Variants in KLHL28 observed in about 807,000 individuals in gnomAD.
The protein encoded by KLHL28 is kelch-like protein 28.
A neutral mutation model predicts 48.3 loss-of-function variants in KLHL28; 22 were observed. The observed-to-expected ratio is 0.46, with a 90% CI of 0.33 to 0.65. The LOEUF (loss-of-function observed/expected upper bound fraction) is 0.65. Ranked by LOEUF, KLHL28 falls within the 30% of genes least tolerant of loss-of-function variation. KLHL28 has a pLI of 0.03. For missense variants in KLHL28, 527 were observed against 704.3 expected, an observed-to-expected ratio of 0.75 and a Z score of 2.85; for synonymous variants, 243 against 242.4, an observed-to-expected ratio of 1.00 and a Z score of -0.02.
rs1050587133 is a variant in KLHL28 at position 44,928,864 on chromosome 14, A to C, written c.*164T>G. 1 of 553,574 alleles carries C rather than the reference A, an allele frequency of 1.8e-6. No homozygotes were observed. The highest frequency in any genetic ancestry group is 3.1e-5 in the Admixed American group (1 of 32,152). 34.3% of individuals were successfully genotyped at this position (553,574 alleles called of 1,614,324 possible). On this transcript the variant is annotated 3_prime_UTR_variant, in exon 5 of 5. Coordinates refer to ENST00000396128, the MANE Select transcript of KLHL28 (RefSeq NM_017658.5). ...TTTACTGTGTAATCAAGAGCAACCA[A>C]AACTACTTCTCAATTAAAAGTACCC... is the stretch of plus-strand genomic sequence containing the variant.
chr14:44,954,843 G>A (rs1413966886), intron 1 of KLHL28, among the ~76,000 whole-genome samples: 1 of 152,120 alleles, frequency 6.6e-6, no homozygotes, highest in Non-Finnish European at 1.5e-5. Flanking sequence ...TAAGAAATTT[G>A]AAAATTGAAA....
intron 1 of KLHL28, among the ~76,000 whole-genome samples, chr14:44,949,989 T>G (rs1334309933): frequency 6.6e-6 from 1 of 152,032 alleles, no homozygotes; most frequent in Non-Finnish European, 1.5e-5. Context: ...CTGTAACACC[T>G]GATGAACAGC....
At position 44,927,110 on chromosome 14, in the gene KLHL28, G is replaced by A. The variant is rs1208071662; in HGVS notation, c.*1918C>T. The A allele has an allele frequency of 6.6e-6, 1 of 152,540 alleles. No homozygotes were observed. Among genetic ancestry groups the A allele is most frequent in the African/African-American group, 2.4e-5 (1 of 41,432 alleles). The allele number at this position is 152,540 out of a possible 1,614,324, so 9.4% of individuals were successfully genotyped here. ...ATAGAAAATACTCAGACTATCAATT[G>A]TTATTAGTTGCTCCTGTTGAGTTCT... On this transcript the variant is annotated 3_prime_UTR_variant, in exon 5 of 5. Coordinates refer to ENST00000396128, the MANE Select transcript of KLHL28 (RefSeq NM_017658.5).
At chr14:44,956,858 C>T (rs1370719353) in intron 1 of KLHL28, among the ~76,000 whole-genome samples, 1 of 152,154 alleles carries the variant, frequency 6.6e-6, no homozygotes, top group Non-Finnish European at 1.5e-5. Context: ...CAGATATATG[C>T]TGAAATTGGT....
At position 44,929,140 on chromosome 14, in the gene KLHL28, G is replaced by C; in HGVS notation, c.1604C>G (p.Ser535Ter). The change falls in exon 5 of 5, where the codon TCA becomes TGA. Residue 535 changes from serine to a stop codon, truncating the protein, a stop_gained. Transcript: ENST00000396128. LOFTEE classifies it high-confidence loss of function. ...DNYLYVVGGH[S>*]GSSYLNTVQK... ...CACTGTATTCAGATAGGAAGACCCT[G>C]AGTGACCACCGACGACATAAAGGTA... 1 of 1,613,306 alleles carries C rather than the reference G, an allele frequency of 6.2e-7. No homozygotes were observed. The highest frequency in any genetic ancestry group is 8.5e-7 in the Non-Finnish European group (1 of 1,179,608).
intron 1 of KLHL28, among the ~76,000 whole-genome samples, chr14:44,956,548 TAAAC>T (rs1249513714): frequency 1.3e-5 from 2 of 152,172 alleles, no homozygotes; most frequent in Non-Finnish European, 2.9e-5. Context: ...AAAATCATGT[TAAAC>T]AATACCAGAA....
chr14:44,949,843 T>C (rs1303077119), intron 1 of KLHL28, among the ~76,000 whole-genome samples: 3 of 152,156 alleles, frequency 2.0e-5, no homozygotes, highest in Non-Finnish European at 2.9e-5. Context: ...CATAAACTTA[T>C]GTGGGTTTAA....
rs1179943912 is a variant in KLHL28 at position 44,934,503 on chromosome 14, T to C, written c.955A>G (p.Ile319Val). 3.1e-6 allele frequency: 5 copies of C among 1,612,898 alleles called. No homozygotes were observed. The highest frequency in any genetic ancestry group is 4.2e-6 in the Non-Finnish European group (5 of 1,179,386). The change falls in exon 3 of 5, where the codon ATT (isoleucine) becomes GTT (valine). Residue 319 changes from isoleucine (I) to valine (V), a missense_variant. Transcript: ENST00000396128. The part of the protein sequence containing the change: ...DSWIGLAPLN[I>V]PRYEFGICVL... ...CATATTCCAAATTCATAGCGAGGAATGTTTAGGGGTGCCAAACCAATCCAA... is the reference window on the plus strand; with the variant it reads ...CATATTCCAAATTCATAGCGAGGAACGTTTAGGGGTGCCAAACCAATCCAA...
At chr14:44,938,428 G>A (rs913183223) in intron 2 of KLHL28, among the ~76,000 whole-genome samples, 1 of 151,852 alleles carries the variant, frequency 6.6e-6, no homozygotes, top group African/African-American at 2.4e-5. Context: ...CTGGAGTGCA[G>A]TGGTGCAATC....
At chr14:44,941,360 G>A (rs1271827743) in intron 2 of KLHL28, among the ~76,000 whole-genome samples, 2 of 152,012 alleles carry the variant, frequency 1.3e-5, no homozygotes, top group African/African-American at 2.4e-5. Flanking sequence ...GGCCAGGCAC[G>A]GTGGCTCACG....
At chr14:44,958,219 TC>T (rs1566580648) in intron 1 of KLHL28, among the ~76,000 whole-genome samples, 1 of 151,914 alleles carries the variant, frequency 6.6e-6, no homozygotes, top group Non-Finnish European at 1.5e-5. Flanking sequence ...AACTTTAGGC[TC>T]TGAAACCAAG....
chr14:44,936,690 G>A (rs547603708), intron 2 of KLHL28, among the ~76,000 whole-genome samples: 1 of 152,306 alleles, frequency 6.6e-6, no homozygotes, highest in Admixed American at 6.5e-5. Context: ...GTTACATTCT[G>A]CTGCTCAGAT....
intron 4 of KLHL28, among the ~76,000 whole-genome samples, chr14:44,929,727 T>C (rs144808434): frequency 3.9e-4 from 59 of 152,310 alleles, no homozygotes; most frequent in African/African-American, 1.4e-3. Context: ...GGTGAGAGGA[T>C]GGCTGGAGGC....
intron 1 of KLHL28, among the ~76,000 whole-genome samples, chr14:44,947,297 A>T (rs974872119): frequency 7.9e-5 from 12 of 152,306 alleles, no homozygotes; most frequent in Middle Eastern, 3.4e-3. Context: ...CCAAGAACAG[A>T]TTCTCCCGTA....
At chr14:44,943,136 T>C (rs1019225408) in intron 2 of KLHL28, among the ~76,000 whole-genome samples, 1 of 152,204 alleles carries the variant, frequency 6.6e-6, no homozygotes, top group Admixed American at 6.5e-5. Flanking sequence ...TCTTCAATAA[T>C]TTGTTATTTT....
chr14:44,945,884 G>A lies in KLHL28; in HGVS notation c.45C>T (p.His15=). The change falls in exon 2 of 5, where the codon CAC becomes CAT. Residue 15 remains histidine (H), a synonymous_variant. Transcript: ENST00000396128. ...CCTGCAGAAGTTGTTCAGAATGCAAGTGGGTTAAGTTAGCAAGCATGTAGG... is the reference window on the plus strand; with the variant it reads ...CCTGCAGAAGTTGTTCAGAATGCAAATGGGTTAAGTTAGCAAGCATGTAGG... ...SPTYMLANLT[H]LHSEQLLQGL... 2 of 1,614,080 alleles carry A rather than the reference G, an allele frequency of 1.2e-6. No individual in the cohort carries two copies. The highest frequency in any genetic ancestry group is 1.7e-6 in the Non-Finnish European group (2 of 1,179,924).
rs1307846541 is a variant in KLHL28, at chr14:44,928,824, C to A, written c.*204G>T. 12 of 307,788 alleles carry A rather than the reference C, an allele frequency of 3.9e-5. No individual in the cohort carries two copies. The highest frequency in any genetic ancestry group is 1.5e-4 in the East Asian group (3 of 19,398). 19.1% of individuals were successfully genotyped at this position (307,788 alleles called of 1,614,324 possible). ...TTTACTTTTTTTTTTTCTCTTTTTT[C>A]TTTTTGATTATTGATTTACTGTGTA... is the stretch of plus-strand genomic sequence containing the variant. On this transcript the variant is annotated 3_prime_UTR_variant, in exon 5 of 5. Coordinates refer to ENST00000396128, the MANE Select transcript of KLHL28 (RefSeq NM_017658.5).
rs1594564572 is a variant in KLHL28 at position 44,931,519 on chromosome 14, T to C, written c.1366A>G (p.Lys456Glu). The stretch of plus-strand genomic sequence containing the variant: ...GATGCAACCATCTCCCAGGAGTCCT[T>C]ACTTGGATCATAACGCTCCACACTG... ...MNSVERYDPS[K>E]DSWEMVASMA... Residue 456 changes from lysine (K) to glutamate (E), a missense_variant, in exon 4 of 5, where the codon AAG becomes GAG. Transcript: ENST00000396128. The C allele has an allele frequency of 6.2e-7, 1 of 1,613,756 alleles. No individual in the cohort carries two copies. Among genetic ancestry groups the C allele is most frequent in the Non-Finnish European group, 8.5e-7 (1 of 1,179,720 alleles).
In KLHL28 at chr14:44,934,166, A is replaced by G. The variant is rs1400044477; in HGVS notation, c.1292T>C (p.Leu431Ser). 6.2e-7 allele frequency: 1 copy of G among 1,614,148 alleles called. No individual in the cohort carries two copies. The highest frequency in any genetic ancestry group is 1.7e-5 in the Admixed American group (1 of 60,016). Residue 431 changes from leucine to serine, a missense_variant, in exon 3 of 5, where the codon TTG becomes TCG. Coordinates refer to ENST00000396128, the MANE Select transcript of KLHL28 (RefSeq NM_017658.5). ...ACCAATGGCATATATCATTCCATCC[A>G]ATACCGCTGCAGCAAAACAACTTCT... ...TTRSCFAAAVLDGMIYAIGGY... is the reference protein window; with the variant it reads ...TTRSCFAAAVSDGMIYAIGGY...
Sources: allele counts gnomAD v4.1 joint callset (sites outside exome capture counted in the v4.1 genomes callset), GRCh38; gene constraint gnomAD v4.1.1; transcripts MANE v1.5; gene names NCBI Gene and HGNC (gene_info 2026-07-23, HGNC 2026-07-21).